CDKAL1: variants seen among roughly 807,000 people sequenced by gnomAD.
The protein encoded by CDKAL1 is threonylcarbamoyladenosine tRNA methylthiotransferase.
CDKAL1 carries 32 observed loss-of-function variants against 68.2 expected under a neutral mutation model. The ratio of observed to expected loss-of-function variants is 0.47; its 90% CI spans 0.35 to 0.63. The LOEUF is 0.63. CDKAL1 is among the 30% of genes least tolerant of loss of function. The pLI is 0.00. For synonymous variants in CDKAL1, 234 were observed against 244.3 expected (o/e 0.96, Z 0.39); for missense variants, 606 against 696.7 (o/e 0.87, Z 1.47).
chr6:20,612,598 A>AT lies in CDKAL1; in HGVS notation c.287-36685dup, dbSNP rs1222702375. Among the ~76,000 whole-genome samples, 637 of 149,098 alleles carry AT rather than the reference A, an allele frequency of 4.3e-3. 3 individuals carry two copies. Among genetic ancestry groups the AT allele is most frequent in the African/African-American group, 0.014 (583 of 40,722 alleles). Reference sequence around the variant, plus strand: ...CATACTTTGCCTGTTTCTTAATTAGATTTTTTTTTTGCTGTTGAGTTCCTT... The same window carrying AT: ...CATACTTTGCCTGTTTCTTAATTAGATTTTTTTTTTTGCTGTTGAGTTCCTT... On this transcript the variant is annotated intron_variant, in intron 4 of 15. Coordinates refer to ENST00000274695, the MANE Select transcript of CDKAL1 (RefSeq NM_017774.3).
At chr6:21,217,942 T>C (rs1471629328) in intron 15 of CDKAL1, among the ~76,000 whole-genome samples, 3 of 152,200 alleles carry the variant, frequency 2.0e-5, no homozygotes, top group African/African-American at 7.2e-5. Flanking sequence ...TTATGTAGTC[T>C]AGAGTCAATT....
At chr6:20,565,890 G>C (rs544255131) in intron 4 of CDKAL1, among the ~76,000 whole-genome samples, 7 of 152,238 alleles carry the variant, frequency 4.6e-5, no homozygotes, top group Admixed American at 3.3e-4. Flanking sequence ...GTGTAATTCT[G>C]TGGGTTTGGT....
At chr6:21,169,995 A>G (rs1446205313) in intron 13 of CDKAL1, among the ~76,000 whole-genome samples, 1 of 145,290 alleles carries the variant, frequency 6.9e-6, no homozygotes, top group Non-Finnish European at 1.5e-5. Context: ...GGGAGCTACA[A>G]TTCAAAATGA....
chr6:20,941,855 G>A (rs1763986803), intron 9 of CDKAL1, among the ~76,000 whole-genome samples: 1 of 152,194 alleles, frequency 6.6e-6, no homozygotes, highest in South Asian at 2.1e-4. Context: ...ACCTTTTTGT[G>A]AAAAGTTGAA....
chr6:20,618,034 A>G (rs548403032), intron 4 of CDKAL1, among the ~76,000 whole-genome samples: 1 of 152,248 alleles, frequency 6.6e-6, no homozygotes, highest in African/African-American at 2.4e-5. Context: ...ACTCCCACCA[A>G]CGGTGTAAAA....
rs183733072 is a variant in CDKAL1 at position 20,929,313 on chromosome 6, T to C, written c.743-26106T>C. Among the ~76,000 whole-genome samples the C allele has an allele frequency of 6.6e-3, 1,004 of 152,318 alleles. 11 individuals carry two copies. Among genetic ancestry groups the C allele is most frequent in the African/African-American group, 0.023 (961 of 41,564 alleles). On this transcript the variant is annotated intron_variant, in intron 9 of 15. Coordinates refer to ENST00000274695, the MANE Select transcript of CDKAL1 (RefSeq NM_017774.3). ...GTCTTCCCTGGGGAAGGGACACATATTCTTCCTGGTAATAAAGATTAACCT... is the reference window on the plus strand; with the variant it reads ...GTCTTCCCTGGGGAAGGGACACATACTCTTCCTGGTAATAAAGATTAACCT...
chr6:20,982,176 A>T (rs1766191604), intron 10 of CDKAL1, among the ~76,000 whole-genome samples: 1 of 151,738 alleles, frequency 6.6e-6, no homozygotes, highest in South Asian at 2.1e-4. Context: ...AAGCAATCCC[A>T]CCACCTCAGC....
chr6:21,021,959 A>C (rs952945534), intron 11 of CDKAL1, among the ~76,000 whole-genome samples: 4 of 152,208 alleles, frequency 2.6e-5, no homozygotes, highest in Admixed American at 6.5e-5. Flanking sequence ...TCTTTCTTAA[A>C]TATAATTTAC....
At chr6:20,820,482 A>G (rs572370539) in intron 8 of CDKAL1, among the ~76,000 whole-genome samples, 26 of 152,310 alleles carry the variant, frequency 1.7e-4, no homozygotes, top group Admixed American at 1.1e-3. Flanking sequence ...AAGGTCAAAA[A>G]GCTAGTAAAA....
intron 9 of CDKAL1, among the ~76,000 whole-genome samples, chr6:20,885,735 C>G (rs563516899): frequency 6.6e-6 from 1 of 151,954 alleles, no homozygotes; most frequent in Non-Finnish European, 1.5e-5. Flanking sequence ...GACTGGGAGA[C>G]GATATTTACA....
At chr6:20,767,376 A>C (rs1774746783) in intron 7 of CDKAL1, among the ~76,000 whole-genome samples, 1 of 152,174 alleles carries the variant, frequency 6.6e-6, no homozygotes, top group African/African-American at 2.4e-5. Flanking sequence ...ATTTCCCTAA[A>C]ATTAAAAATA....
chr6:20,677,275 GTCCCGGCTGGTCTTGAAC>G, intron 5 of CDKAL1, among the ~76,000 whole-genome samples: 1 of 152,088 alleles, frequency 6.6e-6, no homozygotes, highest in South Asian at 2.1e-4. Flanking sequence ...TTCACCTGTT[GTCCCGGCTGGTCTTGAAC>G]TCCCGGCCTC....
chr6:20,705,910 G>A lies in CDKAL1; in HGVS notation c.372-33609G>A, dbSNP rs111621261. ...TCCTGTGTGGTGGGTCTGGTAGTAT[G>A]TGTTCATAGCGGGGTTGCTTTATGA... On this transcript the variant is annotated intron_variant, in intron 5 of 15. Transcript: ENST00000274695. 1.9e-3 allele frequency among the ~76,000 whole-genome samples: 286 copies of A among 152,306 alleles called. 1 individual carries two copies. The highest frequency in any genetic ancestry group is 3.7e-3 in the Non-Finnish European group (252 of 68,024).
rs374199583 is a variant in CDKAL1, at chr6:20,867,382, AT to A, written c.742+21209del. Reference sequence around the variant, plus strand: ...CAGTTGTCAAATAACGGTTATTTTGATTTTTGGTCATTTTCTAACATGTAAA... The same window carrying A: ...CAGTTGTCAAATAACGGTTATTTTGATTTTGGTCATTTTCTAACATGTAAA... On this transcript the variant is annotated intron_variant, in intron 9 of 15. Transcript: ENST00000274695. Among the ~76,000 whole-genome samples, 254 of 152,270 alleles carry A rather than the reference AT, an allele frequency of 1.7e-3. 1 individual carries two copies. The highest frequency in any genetic ancestry group is 5.7e-3 in the African/African-American group (236 of 41,562).
At chr6:21,152,775 T>TA (rs1776471979) in intron 13 of CDKAL1, among the ~76,000 whole-genome samples, 1 of 152,264 alleles carries the variant, frequency 6.6e-6, no homozygotes, top group Non-Finnish European at 1.5e-5. Context: ...TTTTTGTCTT[T>TA]TGTGATCTTT....
intron 13 of CDKAL1, among the ~76,000 whole-genome samples, chr6:21,138,033 A>T (rs1320764177): frequency 6.6e-6 from 1 of 152,098 alleles, no homozygotes; most frequent in Non-Finnish European, 1.5e-5. Context: ...TTTCCCTTTC[A>T]CATTAACAAA....
intron 5 of CDKAL1, among the ~76,000 whole-genome samples, chr6:20,651,760 A>C (rs1177959252): frequency 1.3e-5 from 2 of 152,222 alleles, no homozygotes; most frequent in Non-Finnish European, 2.9e-5. Context: ...AGTTTTTAAC[A>C]TGAAGGGATG....
chr6:20,648,089 TA>T (rs1301090059), intron 4 of CDKAL1, among the ~76,000 whole-genome samples: 2 of 147,812 alleles, frequency 1.4e-5, no homozygotes, highest in Admixed American at 6.7e-5. Context: ...AAAAAAAAAA[TA>T]TTTTTTTTTG....
chr6:20,978,370 GTTATGATTAAAGGTAGACGT>G (rs1765951276), intron 10 of CDKAL1, among the ~76,000 whole-genome samples: 1 of 152,152 alleles, frequency 6.6e-6, no homozygotes, highest in South Asian at 2.1e-4. Flanking sequence ...AGCTGTTTCT[GTTATGATTAAAGGTAGACGT>G]TTCCTTTCAC....
Sources: gnomAD v4.1 joint callset for allele counts (sites outside exome capture counted in the v4.1 genomes callset) on GRCh38, gnomAD v4.1.1 for gene constraint, MANE v1.5 for transcripts, NCBI Gene and HGNC (gene_info 2026-07-23, HGNC 2026-07-21) for gene names.